Variants in EPS15L1 observed in about 807,000 individuals in gnomAD.
The protein encoded by EPS15L1 is epidermal growth factor receptor substrate 15-like 1.
A neutral mutation model predicts 117.1 loss-of-function variants in EPS15L1; 43 were observed. The ratio of observed to expected loss-of-function variants is 0.37; its 90% CI spans 0.29 to 0.47. The LOEUF is 0.47. EPS15L1 is among the 20% of genes least tolerant of loss of function. The pLI is 0.99. For missense variants in EPS15L1, 981 were observed against 1,164.0 expected, an observed-to-expected ratio of 0.84 and a Z score of 2.29; for synonymous variants, 459 against 470.5, an observed-to-expected ratio of 0.98 and a Z score of 0.32.
At position 16,377,123 on chromosome 19, in the gene EPS15L1, G is replaced by C. The variant is rs767752550; in HGVS notation, c.2379C>G (p.Ser793Arg). ...KPAPPRPKPP[S>R]GKSTPVSQLG... Reference sequence around the variant, plus strand: ...TGCGAGAGAAGAAAGCTTACTGACCGCTGGGCGGTTTAGGCCGTGGAGGAG... The same window carrying C: ...TGCGAGAGAAGAAAGCTTACTGACCCCTGGGCGGTTTAGGCCGTGGAGGAG... Residue 793 changes from serine to arginine, a missense_variant and splice_region_variant, in exon 22 of 24, where the codon AGC becomes AGG. Ser to Arg is a moderately radical substitution (Grantham distance 110). Transcript: ENST00000455140. The C allele has an allele frequency of 3.8e-6, 6 of 1,598,798 alleles. No individual in the cohort carries two copies. Among genetic ancestry groups the C allele is most frequent in the Non-Finnish European group, 5.1e-6 (6 of 1,174,476 alleles).
intron 19 of EPS15L1, among the ~76,000 whole-genome samples, chr19:16,391,790 C>G (rs1228852881): frequency 6.6e-6 from 1 of 152,052 alleles, no homozygotes; most frequent in East Asian, 1.9e-4. Context: ...TCAGGAGACA[C>G]CAGGCAAGGC....
chr19:16,364,155 G>A (rs1283376785), intron 22 of EPS15L1, among the ~76,000 whole-genome samples: 1 of 152,208 alleles, frequency 6.6e-6, no homozygotes, highest in African/African-American at 2.4e-5. Context: ...AAGAGGGGAG[G>A]TCGAGGCCTG....
At chr19:16,458,650 A>G (rs73511183) in intron 1 of EPS15L1, among the ~76,000 whole-genome samples, 6 of 151,866 alleles carry the variant, frequency 4.0e-5, no homozygotes, top group African/African-American at 1.4e-4. Context: ...GCCATCTCCT[A>G]CCTTGCCGGG....
At position 16,458,853 on chromosome 19, in the gene EPS15L1, C is replaced by G. The variant is rs192552228; in HGVS notation, c.33+13060G>C. ...GCACCTTTCACTCCTTGTCTTGGCA[C>G]AAGATGCAGTCATGCATCGTTTAAC... On this transcript the variant is annotated intron_variant, in intron 1 of 23. Transcript: ENST00000455140. 5.4e-4 allele frequency among the ~76,000 whole-genome samples: 83 copies of G among 152,358 alleles called. No homozygotes were observed. The South Asian group carries it at 0.013, about 25-fold the overall frequency.
chr19:16,366,583 T>C (rs776165793), intron 22 of EPS15L1, among the ~76,000 whole-genome samples: 13 of 152,134 alleles, frequency 8.5e-5, no homozygotes, highest in Non-Finnish European at 1.2e-4. Context: ...ATCATGACTA[T>C]GGTAATATGA....
chr19:16,449,398 A>G (rs1390589788), intron 1 of EPS15L1, among the ~76,000 whole-genome samples: 2 of 152,220 alleles, frequency 1.3e-5, no homozygotes, highest in Non-Finnish European at 2.9e-5. Context: ...ATCATTAGCA[A>G]AAAGAAGAAT....
intron 1 of EPS15L1, among the ~76,000 whole-genome samples, chr19:16,452,408 T>C (rs190657560): frequency 6.7e-6 from 1 of 150,326 alleles, no homozygotes; most frequent in Admixed American, 6.6e-5. Flanking sequence ...ATTATGCTAC[T>C]GCACTCCAGC....
At chr19:16,364,369 C>A (rs1424549000) in intron 22 of EPS15L1, among the ~76,000 whole-genome samples, 1 of 152,230 alleles carries the variant, frequency 6.6e-6, no homozygotes, top group African/African-American at 2.4e-5. Flanking sequence ...ACAGCGCCTG[C>A]CCTCTCAGGG....
chr19:16,417,520 G>C (rs2092770031), intron 12 of EPS15L1, 32 bp downstream of exon 12: 3 of 1,557,150 alleles, frequency 1.9e-6, no homozygotes, highest in Non-Finnish European at 2.7e-6. Flanking sequence ...TGTAACATCT[G>C]GATGTGGAGG....
At chr19:16,452,215 G>A (rs2093151956) in intron 1 of EPS15L1, among the ~76,000 whole-genome samples, 2 of 151,308 alleles carry the variant, frequency 1.3e-5, no homozygotes. Context: ...GGAGGCTGAG[G>A]TGGGTAGATC....
intron 22 of EPS15L1, among the ~76,000 whole-genome samples, chr19:16,369,358 G>C (rs2144666468): frequency 6.6e-6 from 1 of 152,306 alleles, no homozygotes; most frequent in East Asian, 1.9e-4. Context: ...TGCATTGAAG[G>C]GAACAGGATG....
chr19:16,402,557 T>A lies in EPS15L1; in HGVS notation c.1627-72A>T, dbSNP rs541169925. 2.8e-4 allele frequency: 337 copies of A among 1,213,510 alleles called. 1 individual carries two copies. Among genetic ancestry groups the A allele is most frequent in the Middle Eastern group, 4.4e-4 (2 of 4,568 alleles). The allele number at this position is 1,213,510 out of a possible 1,614,324, so 75.2% of individuals were successfully genotyped here. A position where few individuals can be genotyped will look rare whatever the true frequency, so the allele number is the denominator to read the frequency against. ...TGTCAGAAAAGACGCTTTTTTTTTT[T>A]AAAACACAGGGTCTCACTCTGTCAC... On this transcript the variant is annotated intron_variant, in intron 15 of 23. Transcript: ENST00000455140.
intron 13 of EPS15L1, chr19:16,412,923 G>A (rs1002037662): frequency 3.1e-6 from 2 of 649,614 alleles, no homozygotes; most frequent in South Asian, 1.4e-5. Flanking sequence ...TGAAGATCAA[G>A]TCCCTGGAGG....
intron 16 of EPS15L1, chr19:16,401,330 T>G: frequency 1.0e-6 from 1 of 984,670 alleles, no homozygotes; most frequent in Non-Finnish European, 1.2e-6. Context: ...AAGAAACACA[T>G]CAAGCATTGA....
rs1484774233 is a variant in EPS15L1, at chr19:16,437,787, T to C, written c.292A>G (p.Met98Val). 7 of 1,613,860 alleles carry C rather than the reference T, an allele frequency of 4.3e-6. No individual in the cohort carries two copies. Among genetic ancestry groups the C allele is most frequent in the Non-Finnish European group, 5.9e-6 (7 of 1,179,898 alleles). ...ACACTCACAAATTTAGGCGGTGGCATGCTCAAATTCAGATTGCTCAAGGTA... is the reference window on the plus strand; with the variant it reads ...ACACTCACAAATTTAGGCGGTGGCACGCTCAAATTCAGATTGCTCAAGGTA... ...EVTLSNLNLS[M>V]PPPKFHDTSS... is the part of the protein sequence containing the mutation. Residue 98 changes from methionine (M) to valine (V), a missense_variant, in exon 5 of 24, where the codon ATG becomes GTG. Transcript: ENST00000455140.
chr19:16,418,633 G>A (rs1407308967), intron 10 of EPS15L1, among the ~76,000 whole-genome samples: 1 of 152,188 alleles, frequency 6.6e-6, no homozygotes, highest in Non-Finnish European at 1.5e-5. Context: ...TGAACGGAAC[G>A]TTTATGTCCC....
chr19:16,453,229 A>G (rs1040583138), intron 1 of EPS15L1, among the ~76,000 whole-genome samples: 1 of 152,126 alleles, frequency 6.6e-6, no homozygotes, highest in Non-Finnish European at 1.5e-5. Context: ...CCTTCCAAGT[A>G]GCTGGGTCTA....
Position 16,403,886 on chromosome 19 carries a change from T to C in EPS15L1, c.1473A>G (p.Leu491=). 1 of 1,614,154 alleles carries C rather than the reference T, an allele frequency of 6.2e-7. No homozygotes were observed. Among genetic ancestry groups the C allele is most frequent in the Non-Finnish European group, 8.5e-7 (1 of 1,180,028 alleles). The change falls in exon 15 of 24, where the codon TTA becomes TTG. Residue 491 remains leucine, a synonymous_variant. Coordinates refer to ENST00000455140, the MANE Select transcript of EPS15L1 (RefSeq NM_001258374.3). ...GGTTCAGATCGTCTTCCTGGGACTT[T>C]AAGTCAGATTCCTGAGATTGGATTT... ...KTQIQSQESD[L]KSQEDDLNRA...
At chr19:16,425,366 A>G (rs2092860850) in intron 8 of EPS15L1, 50 bp from the exon 9 acceptor site, 2 of 1,353,576 alleles carry the variant, frequency 1.5e-6, no homozygotes, top group Non-Finnish European at 2.1e-6. Context: ...TGGGGCCGGG[A>G]CCATCAGGAG....
Sources: gnomAD v4.1 joint callset for allele counts (sites outside exome capture counted in the v4.1 genomes callset) on GRCh38, gnomAD v4.1.1 for gene constraint, MANE v1.5 for transcripts, NCBI Gene and HGNC (gene_info 2026-07-23, HGNC 2026-07-21) for gene names.